LAMC2: variants seen among roughly 807,000 people sequenced by gnomAD.
The protein encoded by LAMC2 is laminin subunit gamma-2.
Under a neutral mutation model 140.2 loss-of-function variants are expected in LAMC2, and 97 were observed. The observed-to-expected ratio is 0.69, with a 90% CI of 0.59 to 0.82. LAMC2 has a LOEUF of 0.82. Ranked by LOEUF, LAMC2 falls within the 40% of genes least tolerant of loss-of-function variation. LAMC2 has a pLI of 0.00. For missense variants in LAMC2, 1,402 were observed against 1,476.1 expected, an observed-to-expected ratio of 0.95 and a Z score of 0.82; for synonymous variants, 513 against 540.2, an observed-to-expected ratio of 0.95 and a Z score of 0.70.
chr1:183,222,284 A>C, intron 6 of LAMC2, 73 bp downstream of exon 6: 1 of 1,533,792 alleles, frequency 6.5e-7, no homozygotes, highest in Non-Finnish European at 9.0e-7. Context: ...AAATTGAGTT[A>C]GAAATTGTGG....
chr1:183,247,436 G>A (rs1320993872), downstream of LAMC2, among the ~76,000 whole-genome samples: 2 of 150,836 alleles, frequency 1.3e-5, no homozygotes, highest in African/African-American at 2.4e-5. Context: ...ATGTAAACAC[G>A]AGTGATCAAT....
Position 183,231,063 on chromosome 1 carries a change from C to A in LAMC2, c.1817C>A (p.Ala606Glu), listed in dbSNP as rs1401382882. The change falls in exon 12 of 23, where the codon GCA (alanine) becomes GAA (glutamate). Residue 606 changes from alanine to glutamate, a missense_variant. This residue lies in a region of LAMC2 where 723 missense variants were observed against 783.3 expected (regional missense o/e 0.92). Coordinates refer to ENST00000264144, the MANE Select transcript of LAMC2 (RefSeq NM_005562.3). Reference protein sequence around the residue: ...GFGGPNCEHGAFSCPACYNQV... With the variant: ...GFGGPNCEHGEFSCPACYNQV... ...GGTGGCCCCAACTGTGAGCATGGAGCATTCAGCTGTCCAGCTTGCTATAAT... is the reference window on the plus strand; with the variant it reads ...GGTGGCCCCAACTGTGAGCATGGAGAATTCAGCTGTCCAGCTTGCTATAAT... 15 of 1,614,154 alleles carry A rather than the reference C, an allele frequency of 9.3e-6. No homozygotes were observed. Among genetic ancestry groups the A allele is most frequent in the Non-Finnish European group, 1.2e-5 (14 of 1,180,024 alleles).
At chr1:183,238,174 A>G (rs933720627) in intron 18 of LAMC2, 133 bp from the exon 19 acceptor site, 2 of 698,820 alleles carry the variant, frequency 2.9e-6, no homozygotes, top group African/African-American at 3.5e-5. Flanking sequence ...CAGATTGTAG[A>G]GGGGTTTGCT....
intron 1 of LAMC2, among the ~76,000 whole-genome samples, chr1:183,191,263 TA>T (rs1476736306): frequency 6.6e-6 from 1 of 152,076 alleles, no homozygotes; most frequent in East Asian, 1.9e-4. Flanking sequence ...TGTACAGAGA[TA>T]TAGAATTGGG....
At chr1:183,198,843 G>C (rs1441739084) in intron 1 of LAMC2, among the ~76,000 whole-genome samples, 1 of 152,150 alleles carries the variant, frequency 6.6e-6, no homozygotes, top group African/African-American at 2.4e-5. Context: ...GTCCTAGGGT[G>C]GAAATAGTTC....
the LAMC2 span, chr1:183,252,371 C>G: frequency 4.3e-6 from 2 of 460,494 alleles, no homozygotes; most frequent in African/African-American, 4.0e-5. Flanking sequence ...GAGACGGACA[C>G]CAGTACATCT....
At chr1:183,206,183 C>T (rs1376266002) in intron 1 of LAMC2, among the ~76,000 whole-genome samples, 1 of 152,088 alleles carries the variant, frequency 6.6e-6, no homozygotes, top group African/African-American at 2.4e-5. Context: ...TAATAAAACC[C>T]ATGTTAAAAT....
At chr1:183,231,680 C>T (rs1462718480) in intron 12 of LAMC2, among the ~76,000 whole-genome samples, 1 of 152,200 alleles carries the variant, frequency 6.6e-6, no homozygotes. Flanking sequence ...ACTTGATGTT[C>T]TTGTTAATTA....
At chr1:183,187,606 A>G (rs993334121) in intron 1 of LAMC2, among the ~76,000 whole-genome samples, 2 of 152,160 alleles carry the variant, frequency 1.3e-5, no homozygotes, top group South Asian at 2.1e-4. Flanking sequence ...CATGTTGTAT[A>G]CCTTAAATAT....
chr1:183,235,689 C>G lies in LAMC2; in HGVS notation c.2415C>G (p.Ser805Arg). ...TGCATGAAGGAGTCGGAAGCGGAAGCGGTAGCCCGGACGGTGCTGTGGTGC... is the reference window on the plus strand; with the variant it reads ...TGCATGAAGGAGTCGGAAGCGGAAGGGGTAGCCCGGACGGTGCTGTGGTGC... ...KALHEGVGSG[S>R]GSPDGAVVQG... Residue 805 changes from serine to arginine, a missense_variant, in exon 16 of 23, where the codon AGC becomes AGG. Coordinates refer to ENST00000264144, the MANE Select transcript of LAMC2 (RefSeq NM_005562.3). The G allele has an allele frequency of 6.2e-7, 1 of 1,614,216 alleles. No individual in the cohort carries two copies. The highest frequency in any genetic ancestry group is 8.5e-7 in the Non-Finnish European group (1 of 1,180,040).
In LAMC2 at chr1:183,215,540, G is replaced by A. The variant is rs1334400085; in HGVS notation, c.356G>A (p.Gly119Asp). Residue 119 changes from glycine (G) to aspartate (D), a missense_variant, in exon 3 of 23, where the codon GGC becomes GAC. Gly to Asp is a moderately conservative substitution (Grantham distance 94). Transcript: ENST00000264144. Reference protein sequence around the residue: ...TGARCDRCLPGFHMLTDAGCT... With the variant: ...TGARCDRCLPDFHMLTDAGCT... ...GCCAGATGCGACCGATGTCTGCCAG[G>A]CTTCCACATGCTCACGGATGCGGGG... 4 of 1,614,186 alleles carry A rather than the reference G, an allele frequency of 2.5e-6. No individual in the cohort carries two copies. The highest frequency in any genetic ancestry group is 1.3e-5 in the African/African-American group (1 of 75,032).
intron 17 of LAMC2, among the ~76,000 whole-genome samples, chr1:183,237,132 A>T (rs554867669): frequency 6.6e-6 from 1 of 152,366 alleles, no homozygotes; most frequent in South Asian, 2.1e-4. Flanking sequence ...ATGAAAAAGA[A>T]CAGAGACAAA....
downstream of LAMC2, chr1:183,248,988 T>C (rs202214947): frequency 3.3e-5 from 5 of 151,482 alleles, no homozygotes; most frequent in Non-Finnish European, 7.4e-5. Context: ...CTCCCTGTAA[T>C]TCTCTGCCTT....
chr1:183,222,005 T>C, intron 5 of LAMC2, 84 bp from the exon 6 acceptor site: 1 of 1,565,688 alleles, frequency 6.4e-7, no homozygotes, highest in Admixed American at 1.7e-5. Context: ...CCACTAGGAC[T>C]TGTCGGCAAG....
chr1:183,251,887 A>G, the LAMC2 span: 4 of 163,278 alleles, frequency 2.4e-5, no homozygotes, highest in South Asian at 3.2e-4. Context: ...TGCTACTGCT[A>G]TATGTGTGTG....
intron 8 of LAMC2, 121 bp from the exon 9 acceptor site, chr1:183,226,577 G>A: frequency 2.3e-6 from 2 of 854,444 alleles, no homozygotes; most frequent in Non-Finnish European, 3.9e-6. Context: ...TACATGGCAT[G>A]ATATATGAAC....
chr1:183,240,786 C>A (rs1660112881), intron 22 of LAMC2: 3 of 735,472 alleles, frequency 4.1e-6, no homozygotes, highest in Admixed American at 5.0e-5. Flanking sequence ...ATCACTAGGG[C>A]AGCCGAGTGG....
At chr1:183,206,137 C>G (rs1315720974) in intron 1 of LAMC2, among the ~76,000 whole-genome samples, 1 of 152,180 alleles carries the variant, frequency 6.6e-6, no homozygotes, top group Non-Finnish European at 1.5e-5. Flanking sequence ...TACCTAGCCT[C>G]TCTGAGTATT....
rs1282965793 is a variant in LAMC2 at position 183,196,368 on chromosome 1, C to A, written c.79+9937C>A. ...GTAAGGCTGGTCTCAAACTCCTGAT[C>A]TGAAGTGATTCACCGGCCTCAGCCT... is the stretch of plus-strand genomic sequence containing the variant. On this transcript the variant is annotated intron_variant, in intron 1 of 22. Coordinates refer to ENST00000264144, the MANE Select transcript of LAMC2 (RefSeq NM_005562.3). 5.9e-5 allele frequency among the ~76,000 whole-genome samples: 9 copies of A among 152,298 alleles called. No individual in the cohort carries two copies. In the East Asian group the frequency reaches 1.7e-3, roughly 29 times the overall value.
Sources: gnomAD v4.1 joint callset for allele counts (sites outside exome capture counted in the v4.1 genomes callset) on GRCh38, gnomAD v4.1.1 for gene constraint, gnomAD v4.1.1 regional missense constraint, MANE v1.5 for transcripts, NCBI Gene and HGNC (gene_info 2026-07-23, HGNC 2026-07-21) for gene names.